Variants in TEX11 observed in about 807,000 individuals in gnomAD.
The protein encoded by TEX11 is testis expressed 11, also known as testis-expressed protein 11.
Under a neutral mutation model 84.4 loss-of-function variants are expected in TEX11, and 7 were observed. The observed-to-expected ratio is 0.08, with a 90% confidence interval of 0.05 to 0.16. The LOEUF (loss-of-function observed/expected upper bound fraction) is 0.16, where lower values mean the gene tolerates loss of function less well. Among genes scored for constraint, TEX11 ranks in the 10% least tolerant of loss-of-function variants. The pLI is 1.00. For missense variants in TEX11, 551 were observed against 660.5 expected, an observed-to-expected ratio of 0.83 and a Z score of 1.82; for synonymous variants, 264 against 222.8, an observed-to-expected ratio of 1.18 and a Z score of -1.64.
intron 16 of TEX11, among the ~76,000 whole-genome samples, chrX:70,658,611 T>A (rs2089896223): frequency 9.1e-6 from 1 of 110,333 alleles, no homozygotes; most frequent in African/African-American, 3.3e-5. Context: ...CAAGAAAAAA[T>A]TTGAAGTTAA....
intron 13 of TEX11, among the ~76,000 whole-genome samples, chrX:70,710,416 C>T (rs941922619): frequency 9.0e-6 from 1 of 110,889 alleles, no homozygotes; most frequent in Non-Finnish European, 1.9e-5. Flanking sequence ...TGTTCAGGAC[C>T]CCTGGATCAA....
intron 25 of TEX11, among the ~76,000 whole-genome samples, chrX:70,585,214 G>A (rs2088837937): frequency 8.9e-6 from 1 of 112,011 alleles, no homozygotes; most frequent in African/African-American, 3.2e-5. Context: ...GATCAATTGT[G>A]TTTCTATACA....
the TEX11 span, among the ~76,000 whole-genome samples, chrX:70,515,626 G>A: frequency 8.9e-6 from 1 of 111,994 alleles, no homozygotes; most frequent in Non-Finnish European, 1.9e-5. Flanking sequence ...AATCCTTTGG[G>A]TATACACCCA....
intron 17 of TEX11, among the ~76,000 whole-genome samples, chrX:70,647,614 C>T (rs1421057340): frequency 1.9e-5 from 2 of 107,809 alleles, no homozygotes; most frequent in Non-Finnish European, 3.8e-5. Flanking sequence ...TGCAATGAGC[C>T]GTGATCATTC....
intron 7 of TEX11, among the ~76,000 whole-genome samples, chrX:70,835,454 A>G (rs1336388544): frequency 8.9e-6 from 1 of 112,413 alleles, no homozygotes; most frequent in African/African-American, 3.2e-5. Context: ...GAGGCAGCAC[A>G]ATACAGTGCT....
At chrX:70,890,793 A>G (rs1333871747) in intron 2 of TEX11, among the ~76,000 whole-genome samples, 1 of 112,482 alleles carries the variant, frequency 8.9e-6, no homozygotes. Flanking sequence ...GCTGAACAAA[A>G]GGCAGCAGAA....
intron 2 of TEX11, among the ~76,000 whole-genome samples, chrX:70,890,736 G>A (rs1049501466): frequency 2.7e-5 from 3 of 112,532 alleles, no homozygotes; most frequent in Non-Finnish European, 3.8e-5. Context: ...CCGCAGCTCA[G>A]CAAGGCTGGC....
At chrX:70,679,858 C>T (rs1263142026) in intron 14 of TEX11, among the ~76,000 whole-genome samples, 2 of 97,195 alleles carry the variant, frequency 2.1e-5, no homozygotes, top group Non-Finnish European at 4.3e-5. Flanking sequence ...CCCGGCCAGC[C>T]GCCCCGTCCG....
chrX:70,735,470 C>T (rs1273687377), intron 11 of TEX11, among the ~76,000 whole-genome samples: 15 of 111,871 alleles, frequency 1.3e-4, no homozygotes, highest in African/African-American at 4.6e-4. Context: ...CAATTAATGG[C>T]ATTTCTATAT....
chrX:70,790,548 C>T (rs189824923), intron 9 of TEX11, among the ~76,000 whole-genome samples: 2 of 112,375 alleles, frequency 1.8e-5, no homozygotes, highest in East Asian at 2.8e-4. Flanking sequence ...CTCAAGCCTG[C>T]GCAGAGCCCA....
chrX:70,717,472 C>T (rs1437019214), intron 13 of TEX11, among the ~76,000 whole-genome samples: 1 of 110,796 alleles, frequency 9.0e-6, no homozygotes, highest in Admixed American at 9.7e-5. Flanking sequence ...GCATGTGCCA[C>T]CACAGCCCGC....
chrX:70,640,394 G>A lies in TEX11; in HGVS notation c.1484-10659C>T, dbSNP rs1301135355. On this transcript the variant is annotated intron_variant, in intron 17 of 29. Transcript: ENST00000374333. ...CCCCAATCTAGCAAGGCAGGCCAACGTTCAGATTCAGGAAATACAGAGAAC... is the reference window on the plus strand; with the variant it reads ...CCCCAATCTAGCAAGGCAGGCCAACATTCAGATTCAGGAAATACAGAGAAC... Among the ~76,000 whole-genome samples the A allele has an allele frequency of 3.3e-4, 34 of 103,649 alleles. 1 individual carries two copies. In the South Asian group the frequency reaches 3.4e-3, roughly 10 times the overall value. The allele number at this position is 103,649 out of a possible 115,157, so 90.0% of individuals were successfully genotyped here. A position where few individuals can be genotyped will look rare whatever the true frequency, so the allele number is the denominator to read the frequency against.
intron 9 of TEX11, among the ~76,000 whole-genome samples, chrX:70,759,358 G>A (rs184737453): frequency 0.072 from 8,014 of 111,112 alleles, 599 homozygotes; most frequent in African/African-American, 0.22. Context: ...ACATCGATGC[G>A]AAAATCCTCA....
chrX:70,709,857 T>C (rs1307938823), intron 13 of TEX11, among the ~76,000 whole-genome samples: 4 of 111,294 alleles, frequency 3.6e-5, no homozygotes, highest in Non-Finnish European at 5.7e-5. Context: ...GTATCTCTTA[T>C]GTGACTTCCA....
At position 70,779,781 on chromosome X, in the gene TEX11, T is replaced by C. The variant is rs770330968; in HGVS notation, c.692+26924A>G. ...TACAATTATACATCAACAAACTAGA[T>C]AACCTAGAAGAAATGGATAAATTCC... On this transcript the variant is annotated intron_variant, in intron 9 of 29. Transcript: ENST00000374333. Among the ~76,000 whole-genome samples the C allele has an allele frequency of 6.4e-4, 71 of 111,063 alleles. 1 individual carries two copies. The highest frequency in any genetic ancestry group is 2.3e-3 in the African/African-American group (71 of 30,672).
intron 20 of TEX11, among the ~76,000 whole-genome samples, chrX:70,616,118 C>T (rs1180602386): frequency 3.6e-5 from 4 of 110,703 alleles, no homozygotes; most frequent in Non-Finnish European, 7.6e-5. Flanking sequence ...TATATAAATA[C>T]ACAGAAAAAA....
At chrX:70,602,156 G>A (rs1390641524) in intron 24 of TEX11, among the ~76,000 whole-genome samples, 3 of 112,016 alleles carry the variant, frequency 2.7e-5, no homozygotes, top group Non-Finnish European at 3.8e-5. Context: ...GCGGCTGGCC[G>A]GGCGGGGGGC....
intron 13 of TEX11, among the ~76,000 whole-genome samples, chrX:70,714,551 CTTCT>C (rs1357527501): frequency 9.0e-6 from 1 of 111,583 alleles, no homozygotes; most frequent in African/African-American, 3.3e-5. Context: ...ATGTAATGGC[CTTCT>C]TTGTCTCTTT....
intron 13 of TEX11, among the ~76,000 whole-genome samples, chrX:70,718,114 T>C: frequency 9.0e-6 from 1 of 111,603 alleles, no homozygotes; most frequent in Non-Finnish European, 1.9e-5. Context: ...ATGAATAAAA[T>C]GATGGATGGC....
Sources: gnomAD v4.1 joint callset for allele counts (sites outside exome capture counted in the v4.1 genomes callset) on GRCh38, gnomAD v4.1.1 for gene constraint, MANE v1.5 for transcripts, NCBI Gene and HGNC (gene_info 2026-07-23, HGNC 2026-07-21) for gene names.